The following MAMDC2 variants were observed in gnomAD, a reference collection of about 807,000 sequenced individuals.
MAMDC2 encodes the protein MAM domain containing 2.
A neutral mutation model predicts 89.8 loss-of-function variants in MAMDC2; 57 were observed. That is an observed-to-expected ratio of 0.63 (90% CI 0.51 to 0.79). MAMDC2 has a LOEUF of 0.79. Among genes scored for constraint, MAMDC2 ranks in the 30% least tolerant of loss-of-function variants. The pLI is 0.00. For synonymous variants in MAMDC2, 313 were observed against 293.4 expected, an observed-to-expected ratio of 1.07 and a Z score of -0.68; for missense variants, 800 against 820.6, an observed-to-expected ratio of 0.97 and a Z score of 0.31.
chr9:70,051,652 G>A (rs896090714), intron 2 of MAMDC2, among the ~76,000 whole-genome samples: 15 of 152,132 alleles, frequency 9.9e-5, no homozygotes, highest in African/African-American at 3.6e-4. Flanking sequence ...GTTAGTAGAG[G>A]TGATGGGTAT....
At chr9:70,170,908 G>C (rs1033605315) in intron 11 of MAMDC2, 9 of 352,934 alleles carry the variant, frequency 2.6e-5, no homozygotes, top group Admixed American at 4.7e-5. Flanking sequence ...GTCAAAGAGA[G>C]GGACAAAGTA....
chr9:70,125,116 T>C (rs1043664601), intron 5 of MAMDC2, among the ~76,000 whole-genome samples: 1 of 152,260 alleles, frequency 6.6e-6, no homozygotes, highest in Non-Finnish European at 1.5e-5. Flanking sequence ...CTGCATTGAA[T>C]AGCACTTCTT....
In MAMDC2 at chr9:70,126,331, C is replaced by T. The variant is rs2296772; in HGVS notation, c.816C>T (p.Tyr272=). 0.083 allele frequency: 133,210 copies of T among 1,613,938 alleles called. 7,139 individuals carry two copies. The highest frequency in any genetic ancestry group is 0.25 in the East Asian group (11,138 of 44,854). The part of the protein sequence containing the change: ...SLYTRDVAGL[Y]EEIWKADRPG... ...ACACTCGGGATGTGGCTGGCCTTTA[C>T]GAGGAAATCTGGAAAGCAGACAGGC... The change falls in exon 6 of 14, where the codon TAC becomes TAT. Residue 272 remains tyrosine, a synonymous_variant. Coordinates refer to ENST00000377182, the MANE Select transcript of MAMDC2 (RefSeq NM_153267.5).
chr9:70,145,605 C>G (rs1168464298), intron 9 of MAMDC2, among the ~76,000 whole-genome samples: 1 of 150,126 alleles, frequency 6.7e-6, no homozygotes, highest in Non-Finnish European at 1.5e-5. Flanking sequence ...CAAGCAAATA[C>G]CAGAGTCCCA....
At chr9:70,198,893 G>A (rs1453464481) in intron 11 of MAMDC2, among the ~76,000 whole-genome samples, 1 of 152,050 alleles carries the variant, frequency 6.6e-6, no homozygotes, top group African/African-American at 2.4e-5. Flanking sequence ...AACTCTGTTA[G>A]TTCCAGTTTA....
chr9:70,093,540 C>G (rs1413024533), intron 2 of MAMDC2, among the ~76,000 whole-genome samples: 2 of 151,776 alleles, frequency 1.3e-5, no homozygotes, highest in African/African-American at 2.4e-5. Context: ...GTTCTCCTTC[C>G]TCAGCCTCCC....
At position 70,043,920 on chromosome 9, in the gene MAMDC2, T is replaced by A. The variant is rs1826666202; in HGVS notation, c.-278T>A. On this transcript the variant is annotated 5_prime_UTR_variant, in exon 1 of 14. Coordinates refer to ENST00000377182, the MANE Select transcript of MAMDC2 (RefSeq NM_153267.5). ...GTTGTCTCCTCCCTGTCCAGCCCCA[T>A]CGTCGCCCAGGACCAGCTGGGCCGC... 1.8e-6 allele frequency: 1 copy of A among 570,066 alleles called. No homozygotes were observed. Among genetic ancestry groups the A allele is most frequent in the Admixed American group, 3.1e-5 (1 of 31,912 alleles). The allele number at this position is 570,066 out of a possible 1,614,324, so 35.3% of individuals were successfully genotyped here.
intron 11 of MAMDC2, among the ~76,000 whole-genome samples, chr9:70,178,936 G>GT (rs1292154285): frequency 6.6e-6 from 1 of 152,154 alleles, no homozygotes; most frequent in African/African-American, 2.4e-5. Context: ...TCGAAGAACT[G>GT]TAAGTGACTA....
rs2032458467 is a variant in MAMDC2 at position 70,175,189 on chromosome 9, G to C, written c.1651+4558G>C. 3.3e-5 allele frequency among the ~76,000 whole-genome samples: 5 copies of C among 152,194 alleles called. No individual in the cohort carries two copies. The South Asian group carries it at 1.0e-3, about 32-fold the overall frequency. On this transcript the variant is annotated intron_variant, in intron 11 of 13. Coordinates refer to ENST00000377182, the MANE Select transcript of MAMDC2 (RefSeq NM_153267.5). Reference sequence around the variant, plus strand: ...AGGGTGAAATCAAAGAGCCCTGTTAGAGGCTACTGCACATAACCCAGGTGA... The same window carrying C: ...AGGGTGAAATCAAAGAGCCCTGTTACAGGCTACTGCACATAACCCAGGTGA...
intron 11 of MAMDC2, among the ~76,000 whole-genome samples, chr9:70,200,521 A>C (rs1054140085): frequency 4.6e-5 from 7 of 151,674 alleles, no homozygotes; most frequent in East Asian, 1.9e-4. Context: ...CTTAGGATTG[A>C]CTTGGCGATG....
At chr9:70,178,982 A>T (rs1382736875) in intron 11 of MAMDC2, among the ~76,000 whole-genome samples, 2 of 152,210 alleles carry the variant, frequency 1.3e-5, no homozygotes, top group African/African-American at 2.4e-5. Flanking sequence ...CAGGATTACC[A>T]ACAAAGTGGA....
intron 5 of MAMDC2, among the ~76,000 whole-genome samples, chr9:70,115,355 CTT>C (rs1043080324): frequency 6.7e-6 from 1 of 148,946 alleles, no homozygotes; most frequent in Admixed American, 6.7e-5. Flanking sequence ...AGTTTCAGCC[CTT>C]TTTTTTTTCT....
chr9:70,186,931 AG>A (rs2032769026), intron 11 of MAMDC2, among the ~76,000 whole-genome samples: 1 of 152,176 alleles, frequency 6.6e-6, no homozygotes, highest in South Asian at 2.1e-4. Flanking sequence ...GATGGCACCA[AG>A]CCATTCATGA....
At chr9:70,128,916 C>G (rs2030679180) in intron 6 of MAMDC2, among the ~76,000 whole-genome samples, 1 of 152,196 alleles carries the variant, frequency 6.6e-6, no homozygotes, top group Admixed American at 6.5e-5. Flanking sequence ...CTCAGGCTCT[C>G]AAAGTGCTGG....
At chr9:70,146,229 C>T (rs1348691958) in intron 9 of MAMDC2, among the ~76,000 whole-genome samples, 3 of 152,188 alleles carry the variant, frequency 2.0e-5, no homozygotes, top group Admixed American at 1.3e-4. Flanking sequence ...TGGAGGCCAA[C>T]TACCAAGCCG....
intron 11 of MAMDC2, among the ~76,000 whole-genome samples, chr9:70,207,787 C>G (rs534846886): frequency 3.7e-4 from 56 of 152,232 alleles, no homozygotes; most frequent in Admixed American, 7.8e-4. Flanking sequence ...AGTTTTTAAT[C>G]CATCTTGAAT....
intron 11 of MAMDC2, among the ~76,000 whole-genome samples, chr9:70,198,209 T>C (rs1417060373): frequency 6.7e-6 from 1 of 149,690 alleles, no homozygotes; most frequent in African/African-American, 2.5e-5. Flanking sequence ...ATATATAATA[T>C]ATAATAAAGT....
intron 11 of MAMDC2, among the ~76,000 whole-genome samples, chr9:70,182,234 A>G (rs1241102103): frequency 2.0e-5 from 3 of 152,058 alleles, no homozygotes; most frequent in Admixed American, 6.5e-5. Context: ...AAGCTTTTTG[A>G]TGTGCTGCTG....
chr9:70,180,388 AT>A (rs1393154744), intron 11 of MAMDC2, among the ~76,000 whole-genome samples: 1 of 152,100 alleles, frequency 6.6e-6, no homozygotes, highest in Non-Finnish European at 1.5e-5. Flanking sequence ...CAGTAACGGG[AT>A]TGTTGGGTCA....
Sources: gnomAD v4.1 joint callset for allele counts (sites outside exome capture counted in the v4.1 genomes callset) on GRCh38, gnomAD v4.1.1 for gene constraint, MANE v1.5 for transcripts, NCBI Gene and HGNC (gene_info 2026-07-23, HGNC 2026-07-21) for gene names.